ANO4: variants seen among roughly 807,000 people sequenced by gnomAD.
ANO4 encodes anoctamin-4.
ANO4 carries 69 observed loss-of-function variants against 141.9 expected under a neutral mutation model. The ratio of observed to expected loss-of-function variants is 0.49; its 90% CI spans 0.40 to 0.59. The LOEUF (loss-of-function observed/expected upper bound fraction) is 0.59, where lower values mean the gene tolerates loss of function less well. Ranked by LOEUF, ANO4 falls within the 20% of genes least tolerant of loss-of-function variation. The probability of loss-of-function intolerance (pLI) is 0.00; values close to 1 mark genes in which losing one functional copy is unlikely to be tolerated. For missense variants in ANO4, 894 were observed against 1,162.2 expected (o/e 0.77, Z 3.36); for synonymous variants, 350 against 394.3 (o/e 0.89, Z 1.33).
At chr12:101,040,672 G>T (rs1566164129) in intron 11 of ANO4, among the ~76,000 whole-genome samples, 1 of 152,086 alleles carries the variant, frequency 6.6e-6, no homozygotes, top group East Asian at 1.9e-4. Flanking sequence ...TGTTACATAG[G>T]TATACATGTG....
intron 3 of ANO4, among the ~76,000 whole-genome samples, chr12:100,766,099 A>G (rs2033069480): frequency 6.6e-6 from 1 of 152,132 alleles, no homozygotes. Flanking sequence ...AATATTCTAC[A>G]TATAAGTAAG....
chr12:101,002,941 G>T (rs1228088566), intron 8 of ANO4, among the ~76,000 whole-genome samples: 1 of 152,094 alleles, frequency 6.6e-6, no homozygotes, highest in East Asian at 1.9e-4. Context: ...GTTGACAAAA[G>T]CATTCCTCCT....
intron 9 of ANO4, among the ~76,000 whole-genome samples, chr12:101,021,399 AC>A (rs1384301347): frequency 1.3e-5 from 2 of 152,128 alleles, no homozygotes; most frequent in African/African-American, 4.8e-5. Context: ...AGGAAGAGAA[AC>A]CCCTTCCTCC....
chr12:100,953,535 C>T (rs1206997653), intron 5 of ANO4, among the ~76,000 whole-genome samples: 1 of 152,220 alleles, frequency 6.6e-6, no homozygotes, highest in Non-Finnish European at 1.5e-5. Flanking sequence ...TATCTAATAA[C>T]TCCATTTCCA....
intron 2 of ANO4, among the ~76,000 whole-genome samples, chr12:100,906,327 A>G (rs919284878): frequency 3.9e-5 from 6 of 152,172 alleles, no homozygotes; most frequent in African/African-American, 1.4e-4. Flanking sequence ...GGTAAGATCA[A>G]TCGGTTGAAA....
At chr12:101,044,457 A>G (rs2047543186) in intron 13 of ANO4, among the ~76,000 whole-genome samples, 1 of 152,220 alleles carries the variant, frequency 6.6e-6, no homozygotes, top group Admixed American at 6.5e-5. Context: ...TGTCCATAAC[A>G]CAAAACAATA....
chr12:100,904,262 T>A (rs548315710), intron 2 of ANO4, among the ~76,000 whole-genome samples: 2 of 152,292 alleles, frequency 1.3e-5, no homozygotes, highest in South Asian at 4.1e-4. Context: ...GTCCCTGCCC[T>A]TGGGGAGTTT....
At chr12:100,852,847 A>C (rs1241021358) in intron 1 of ANO4, among the ~76,000 whole-genome samples, 1 of 152,332 alleles carries the variant, frequency 6.6e-6, no homozygotes, top group Admixed American at 6.5e-5. Flanking sequence ...AACGCAAACT[A>C]AAACTGTCAG....
chr12:100,959,938 G>A (rs2043339599), intron 5 of ANO4, among the ~76,000 whole-genome samples: 2 of 152,184 alleles, frequency 1.3e-5, no homozygotes, highest in Admixed American at 1.3e-4. Context: ...GCAGGGTTTA[G>A]TTTTTGATCT....
chr12:100,818,254 G>C (rs1021323876), intron 1 of ANO4, among the ~76,000 whole-genome samples: 1 of 151,780 alleles, frequency 6.6e-6, no homozygotes, highest in African/African-American at 2.4e-5. Flanking sequence ...AAACACTATA[G>C]TTTTAAAAAA....
At chr12:100,942,592 G>A in intron 5 of ANO4, 57 bp downstream of exon 5, 1 of 1,538,346 alleles carries the variant, frequency 6.5e-7, no homozygotes, top group Non-Finnish European at 8.8e-7. Context: ...ATATGAAGAG[G>A]CAATAAGAAA....
chr12:100,825,835 A>G (rs2036305279), intron 1 of ANO4, among the ~76,000 whole-genome samples: 1 of 152,076 alleles, frequency 6.6e-6, no homozygotes, highest in Non-Finnish European at 1.5e-5. Flanking sequence ...ATTATGTGCA[A>G]CCTATTGACT....
chr12:100,867,322 A>T (rs2038799339), intron 1 of ANO4, among the ~76,000 whole-genome samples: 1 of 152,158 alleles, frequency 6.6e-6, no homozygotes, highest in South Asian at 2.1e-4. Context: ...CTGGAGACCC[A>T]GGAGAGCCAC....
rs555518727 is a variant in ANO4 at position 100,845,141 on chromosome 12, G to T, written c.-141+50114G>T. 2.0e-5 allele frequency among the ~76,000 whole-genome samples: 3 copies of T among 152,268 alleles called. No individual in the cohort carries two copies. In the East Asian group the frequency reaches 5.8e-4, roughly 29 times the overall value. ...AAGTCATTGTGCTGTAAGCAAAAGTGTTTTGAGTGGGGTGTAGGTGGGTGG... is the reference window on the plus strand; with the variant it reads ...AAGTCATTGTGCTGTAAGCAAAAGTTTTTTGAGTGGGGTGTAGGTGGGTGG... On this transcript the variant is annotated intron_variant, in intron 1 of 27. Coordinates refer to ENST00000392977, the MANE Select transcript of ANO4 (RefSeq NM_001286615.2).
At chr12:101,047,895 A>G (rs1034296299) in intron 13 of ANO4, 1 of 608,464 alleles carries the variant, frequency 1.6e-6, no homozygotes, top group African/African-American at 2.0e-5. Flanking sequence ...TGTTTGCTCA[A>G]AACTGCATAA....
rs2038935708 is a variant in ANO4 at position 100,869,617 on chromosome 12, G to A, written c.-140-32029G>A. On this transcript the variant is annotated intron_variant, in intron 1 of 27. Transcript: ENST00000392977. Reference sequence around the variant, plus strand: ...AGCTCTGCAACTTTTGTTAGGCTCTGAGCTTTGTCCTCAGCCATATCTGCC... The same window carrying A: ...AGCTCTGCAACTTTTGTTAGGCTCTAAGCTTTGTCCTCAGCCATATCTGCC... 4.6e-5 allele frequency among the ~76,000 whole-genome samples: 7 copies of A among 152,318 alleles called. No homozygotes were observed. In the South Asian group the frequency reaches 1.5e-3, roughly 32 times the overall value.
chr12:100,860,434 C>T (rs943059544), intron 1 of ANO4, among the ~76,000 whole-genome samples: 13 of 152,290 alleles, frequency 8.5e-5, no homozygotes, highest in African/African-American at 2.6e-4. Flanking sequence ...CACCTTACTC[C>T]TTGGCCCCTG....
At chr12:100,784,257 G>T (rs114448235) in intron 3 of ANO4, among the ~76,000 whole-genome samples, 1,900 of 152,132 alleles carry the variant, frequency 0.012, 25 homozygotes, top group African/African-American at 0.043. Context: ...TCTTCTACCT[G>T]CCAGAATCCT....
At chr12:100,848,209 G>A (rs2037677595) in intron 1 of ANO4, among the ~76,000 whole-genome samples, 2 of 151,780 alleles carry the variant, frequency 1.3e-5, no homozygotes, top group Non-Finnish European at 2.9e-5. Flanking sequence ...CATTGTTCCT[G>A]CCTTTTGCTT....
Sources: gnomAD v4.1 joint callset for allele counts (sites outside exome capture counted in the v4.1 genomes callset) on GRCh38, gnomAD v4.1.1 for gene constraint, MANE v1.5 for transcripts, NCBI Gene and HGNC (gene_info 2026-07-23, HGNC 2026-07-21) for gene names.